The following MAPK14 variants were observed in gnomAD, a reference collection of about 807,000 sequenced individuals.
The protein encoded by MAPK14 is CSAID-binding protein.
Under a neutral mutation model 49.6 loss-of-function variants are expected in MAPK14, and 16 were observed. That is an observed-to-expected ratio of 0.32 (90% CI 0.22 to 0.49). MAPK14 has a LOEUF of 0.49. Among genes scored for constraint, MAPK14 ranks in the 20% least tolerant of loss-of-function variants. The pLI is 0.99. For synonymous variants in MAPK14, 142 were observed against 158.0 expected, an observed-to-expected ratio of 0.90 and a Z score of 0.76; for missense variants, 200 against 441.2, an observed-to-expected ratio of 0.45 and a Z score of 4.90.
At chr6:36,059,371 CT>C in intron 3 of MAPK14, 24 bp downstream of exon 3, 1 of 1,554,066 alleles carries the variant, frequency 6.4e-7, no homozygotes, top group Non-Finnish European at 8.9e-7. Flanking sequence ...TTGCATTTGC[CT>C]TCCTGGTCTA....
intron 9 of MAPK14, among the ~76,000 whole-genome samples, chr6:36,099,744 G>T (rs1765569058): frequency 6.6e-6 from 1 of 152,128 alleles, no homozygotes; most frequent in African/African-American, 2.4e-5. Context: ...AACCTGTGCC[G>T]CAAAAGTTTA....
chr6:36,083,315 T>C (rs532352064), intron 8 of MAPK14, among the ~76,000 whole-genome samples: 45 of 152,314 alleles, frequency 3.0e-4, no homozygotes, highest in African/African-American at 1.1e-3. Context: ...GAAATCATGC[T>C]TTTTCCAAGG....
intron 3 of MAPK14, among the ~76,000 whole-genome samples, chr6:36,062,639 T>G (rs1278693153): frequency 1.5e-5 from 2 of 132,362 alleles, no homozygotes; most frequent in Admixed American, 1.5e-4. Context: ...AGATTTATAG[T>G]TTTTTTTTTT....
downstream of MAPK14, among the ~76,000 whole-genome samples, chr6:36,112,020 C>T (rs1229306719): frequency 6.6e-6 from 1 of 152,058 alleles, no homozygotes; most frequent in African/African-American, 2.4e-5. Flanking sequence ...TCCTGGCTAA[C>T]ACGGTGAAAC....
rs191907695 is a variant in MAPK14, at chr6:36,054,137, C to T, written c.246+1309C>T. On this transcript the variant is annotated intron_variant, in intron 2 of 11. Coordinates refer to ENST00000229794, the MANE Select transcript of MAPK14 (RefSeq NM_139012.3). ...GCATAAAATCAAAGTGGCCTGGCAG[C>T]TTTAAGGGATGTGTTTGCGTTTGAT... is the stretch of plus-strand genomic sequence containing the variant. Among the ~76,000 whole-genome samples, 8 of 152,182 alleles carry T rather than the reference C, an allele frequency of 5.3e-5. No individual in the cohort carries two copies. The East Asian group carries it at 1.5e-3, about 29-fold the overall frequency.
At chr6:36,032,350 C>T (rs1300953636) in intron 1 of MAPK14, among the ~76,000 whole-genome samples, 1 of 152,128 alleles carries the variant, frequency 6.6e-6, no homozygotes, top group Non-Finnish European at 1.5e-5. Context: ...GGGAACTAGA[C>T]TAGGTCTTGC....
In MAPK14 at chr6:36,027,838, A is replaced by G. The variant is rs1287386709; in HGVS notation, c.-320A>G. ...AGCCTTAGCGGGCGCAGCAGCTGGA[A>G]CGGGAGTACTGCGACGCAGCCCGGA... On this transcript the variant is annotated 5_prime_UTR_variant, in exon 1 of 12. Transcript: ENST00000229794. 2.5e-6 allele frequency: 1 copy of G among 401,202 alleles called. No homozygotes were observed. Among genetic ancestry groups the G allele is most frequent in the Non-Finnish European group, 4.4e-6 (1 of 228,088 alleles). The allele number at this position is 401,202 out of a possible 1,614,324, so 24.9% of individuals were successfully genotyped here.
chr6:36,084,214 A>G (rs775011687), intron 8 of MAPK14, among the ~76,000 whole-genome samples: 1 of 152,206 alleles, frequency 6.6e-6, no homozygotes, highest in Non-Finnish European at 1.5e-5. Flanking sequence ...CAAAGTTCAA[A>G]GCTAGGTAAA....
chr6:36,088,511 A>T (rs1765081497), intron 8 of MAPK14, among the ~76,000 whole-genome samples: 1 of 152,160 alleles, frequency 6.6e-6, no homozygotes, highest in South Asian at 2.1e-4. Context: ...TCACGAGGTC[A>T]GGAGATCGAG....
rs188789591 is a variant in MAPK14, at chr6:36,028,818, C to T, written c.116+545C>T. 8.4e-4 allele frequency among the ~76,000 whole-genome samples: 85 copies of T among 101,598 alleles called. 1 individual carries two copies. In the East Asian group the frequency reaches 0.028, roughly 34 times the overall value. The allele number at this position is 101,598 out of a possible 152,430, so 66.7% of individuals were successfully genotyped here. ...TTTTTTTTTTTTTTTTTTTTCAAAA[C>T]TCTGTCGAAATCCCATCTTGAAAAG... On this transcript the variant is annotated intron_variant, in intron 1 of 11. Transcript: ENST00000229794. This position sits in a 1 kb window ranked among gnomAD's most constrained non-coding sequence, Gnocchi z 5.1.
chr6:36,107,636 C>T lies in MAPK14; in HGVS notation c.1015+8C>T. The T allele has an allele frequency of 6.5e-7, 1 of 1,547,162 alleles. No individual in the cohort carries two copies. The highest frequency in any genetic ancestry group is 8.7e-7 in the Non-Finnish European group (1 of 1,147,654). On this transcript the variant is annotated splice_region_variant and intron_variant, in intron 11 of 11. Coordinates refer to ENST00000229794, the MANE Select transcript of MAPK14 (RefSeq NM_139012.3). The surrounding 1 kb of genome is among the most constrained non-coding windows in gnomAD (Gnocchi z 4.3). ...TTATAGATGAGTGGAAAAGTAAGTC[C>T]TAAGGGTAGGATTAACATCTTGAAC...
chr6:36,034,897 C>CT (rs200316205), intron 1 of MAPK14, among the ~76,000 whole-genome samples: 3,868 of 121,014 alleles, frequency 0.032, 155 homozygotes, highest in African/African-American at 0.08. Context: ...TTCTTTCTTT[C>CT]TTTTTTTTTT....
intron 3 of MAPK14, among the ~76,000 whole-genome samples, chr6:36,071,794 A>G (rs757451834): frequency 1.3e-5 from 2 of 152,234 alleles, no homozygotes; most frequent in Non-Finnish European, 2.9e-5. Flanking sequence ...TTGTCATGCA[A>G]GAATAACATT....
downstream of MAPK14, among the ~76,000 whole-genome samples, chr6:36,115,361 T>G (rs1766043103): frequency 4.6e-5 from 7 of 152,208 alleles, no homozygotes; most frequent in South Asian, 1.4e-3. Context: ...CTATTACCCT[T>G]TGCATAACTA....
the MAPK14 span, among the ~76,000 whole-genome samples, chr6:36,123,318 C>T: frequency 1.3e-5 from 2 of 152,140 alleles, no homozygotes; most frequent in Admixed American, 1.3e-4. Flanking sequence ...ATACGAAGGT[C>T]CAGCCTCATG....
intron 1 of MAPK14, among the ~76,000 whole-genome samples, chr6:36,036,543 A>AGG (rs1762757365): frequency 7.3e-6 from 1 of 136,498 alleles, no homozygotes; most frequent in Non-Finnish European, 1.6e-5. Flanking sequence ...TCAATGCAGC[A>AGG]ATTCACCGTT....
the MAPK14 span, among the ~76,000 whole-genome samples, chr6:36,123,118 GGGAAGGAAAGAGGAA>G: frequency 6.6e-6 from 1 of 152,076 alleles, no homozygotes; most frequent in African/African-American, 2.4e-5. Flanking sequence ...GAGGGAGGGA[GGGAAGGAAAGAGGAA>G]GGAAGGAAAG....
chr6:36,084,283 C>G (rs932265365), intron 8 of MAPK14, among the ~76,000 whole-genome samples: 3 of 152,212 alleles, frequency 2.0e-5, no homozygotes, highest in African/African-American at 7.2e-5. Flanking sequence ...AGCCAGAGTG[C>G]TTCTTTTCCT....
At chr6:36,094,998 C>T (rs556769229) in intron 8 of MAPK14, among the ~76,000 whole-genome samples, 28 of 152,258 alleles carry the variant, frequency 1.8e-4, no homozygotes, top group Admixed American at 4.6e-4. Context: ...TCCCCTTCTC[C>T]CTCCCTGGAA....
Sources: gnomAD v4.1 joint callset for allele counts (sites outside exome capture counted in the v4.1 genomes callset) on GRCh38, gnomAD v4.1.1 for gene constraint, Gnocchi (gnomAD v3.1) non-coding constraint, MANE v1.5 for transcripts, NCBI Gene and HGNC (gene_info 2026-07-23, HGNC 2026-07-21) for gene names.